STRADA: variants seen among roughly 807,000 people sequenced by gnomAD.
STRADA encodes the protein STE20 related adaptor alpha.
STRADA carries 26 observed loss-of-function variants against 55.0 expected under a neutral mutation model. The observed-to-expected ratio is 0.47, with a 90% CI of 0.35 to 0.66. The LOEUF (loss-of-function observed/expected upper bound fraction) is 0.66. STRADA is among the 30% of genes least tolerant of loss of function. STRADA has a pLI of 0.01. For synonymous variants in STRADA, 197 were observed against 210.9 expected, an observed-to-expected ratio of 0.93 and a Z score of 0.57; for missense variants, 443 against 549.7, an observed-to-expected ratio of 0.81 and a Z score of 1.94.
intron 1 of STRADA, among the ~76,000 whole-genome samples, chr17:63,738,018 C>T (rs982053282): frequency 6.7e-5 from 10 of 149,574 alleles, no homozygotes; most frequent in South Asian, 2.1e-4. Context: ...AAAAGAAAAA[C>T]GAAAATAAAC....
intron 10 of STRADA, chr17:63,704,832 T>C (rs1568172207): frequency 6.5e-7 from 1 of 1,535,694 alleles, no homozygotes; most frequent in South Asian, 1.2e-5. Context: ...GCTTTCGCCA[T>C]GGCTGGAAAG....
At chr17:63,705,483 C>T (rs1373325252) in intron 10 of STRADA, 1 of 160,402 alleles carries the variant, frequency 6.2e-6, no homozygotes, top group Non-Finnish European at 1.4e-5. Flanking sequence ...TCCTAGATTC[C>T]TCACATAGAC....
rs1302290003 is a variant in STRADA, at chr17:63,713,496, A to AT, written c.257dup (p.Asn86LysfsTer18). 6.2e-7 allele frequency: 1 copy of AT among 1,614,182 alleles called. No homozygotes were observed. Among genetic ancestry groups the AT allele is most frequent in the Admixed American group, 1.7e-5 (1 of 60,026 alleles). ...CTCCTGTTGGTTTGTACCTTGCTAG[A>AT]TTCACAGTCATCAGGTCCTCAAATC... is the stretch of plus-strand genomic sequence containing the variant. On this transcript the variant is annotated frameshift_variant, in exon 6 of 13. Transcript: ENST00000336174. LOFTEE classifies it high-confidence loss of function.
chr17:63,733,492 C>T (rs1003319769), intron 1 of STRADA, among the ~76,000 whole-genome samples: 2 of 152,008 alleles, frequency 1.3e-5, no homozygotes, highest in African/African-American at 4.8e-5. Flanking sequence ...AATCTTCAAC[C>T]CACTCCCATT....
At chr17:63,714,848 G>A (rs1030045041) in intron 4 of STRADA, among the ~76,000 whole-genome samples, 3 of 152,208 alleles carry the variant, frequency 2.0e-5, no homozygotes, top group African/African-American at 7.2e-5. Context: ...GTCTGAGTTT[G>A]TGCAAAACAC....
intron 1 of STRADA, among the ~76,000 whole-genome samples, chr17:63,737,627 T>C (rs1415675494): frequency 1.3e-5 from 2 of 152,154 alleles, no homozygotes; most frequent in Admixed American, 6.6e-5. Flanking sequence ...TGAAAGTTGA[T>C]AGGATAACAA....
chr17:63,725,159 G>C (rs1301135435), intron 3 of STRADA, among the ~76,000 whole-genome samples: 1 of 151,854 alleles, frequency 6.6e-6, no homozygotes, highest in Non-Finnish European at 1.5e-5. Flanking sequence ...TTGAACCCGG[G>C]AGGCGGAGTT....
intron 3 of STRADA, chr17:63,726,356 GT>G (rs2037657900): frequency 9.0e-6 from 3 of 332,964 alleles, no homozygotes; most frequent in African/African-American, 4.2e-5. Context: ...CTTTTAAATA[GT>G]TTTCTTCCTT....
chr17:63,728,440 G>A (rs774381047), intron 1 of STRADA, 27 bp from the exon 2 acceptor site: 8 of 1,374,778 alleles, frequency 5.8e-6, no homozygotes, highest in Admixed American at 2.0e-5. Flanking sequence ...AACAGGTTGA[G>A]TTAGCAAAAA....
chr17:63,706,559 T>C, intron 10 of STRADA, 76 bp downstream of exon 10: 1 of 1,027,756 alleles, frequency 9.7e-7, no homozygotes, highest in Non-Finnish European at 1.5e-6. Flanking sequence ...GTCTGTGTCC[T>C]GAGTGTGAGA....
rs761800599 is a variant in STRADA, at chr17:63,740,155, C to CATATATAT, written c.-45+1585_-45+1586insATATATAT. On this transcript the variant is annotated intron_variant, in intron 1 of 12. Transcript: ENST00000336174. ...ACATACATATATATATATACACACA[C>CATATATAT]ACACACACACACACACACACACACA... Among the ~76,000 whole-genome samples, 320 of 111,436 alleles carry CATATATAT rather than the reference C, an allele frequency of 2.9e-3. 10 individuals carry two copies. Among genetic ancestry groups the CATATATAT allele is most frequent in the South Asian group, 5.5e-3 (17 of 3,116 alleles). The allele number at this position is 111,436 out of a possible 152,430, so 73.1% of individuals were successfully genotyped here. A position where few individuals can be genotyped will look rare whatever the true frequency, so the allele number is the denominator to read the frequency against.
At chr17:63,704,756 C>T in intron 10 of STRADA, 174 bp from the exon 11 acceptor site, 1 of 1,529,172 alleles carries the variant, frequency 6.5e-7, no homozygotes, top group Non-Finnish European at 8.7e-7. Flanking sequence ...AAACGCTGGT[C>T]ACTGGCGTGG....
chr17:63,724,880 T>C (rs916211453), intron 3 of STRADA, among the ~76,000 whole-genome samples: 2 of 152,200 alleles, frequency 1.3e-5, no homozygotes, highest in Non-Finnish European at 2.9e-5. Flanking sequence ...CTCCCATTTA[T>C]CTAAAACATA....
intron 1 of STRADA, 105 bp from the exon 2 acceptor site, chr17:63,728,518 A>G: frequency 1.7e-6 from 1 of 575,180 alleles, no homozygotes. Context: ...AAAGCACTGG[A>G]CTTCACCTAT....
At chr17:63,710,439 C>T (rs1490914483) in intron 8 of STRADA, 52 bp downstream of exon 8, 102 of 1,608,782 alleles carry the variant, frequency 6.3e-5, no homozygotes, top group Non-Finnish European at 8.4e-5. Context: ...CCTGAAGGCT[C>T]AGGGGCATAG....
In STRADA at chr17:63,723,344, A is replaced by G. The variant is rs536628878; in HGVS notation, c.95-18T>C. On this transcript the variant is annotated intron_variant, in intron 3 of 12. Coordinates refer to ENST00000336174, the MANE Select transcript of STRADA (RefSeq NM_001003787.4). ...AGGCTGCTCTGGGGTAGAGAAATTG[A>G]TTGTTGGCATTTTGTGTTTTAGCAG... The G allele has an allele frequency of 6.2e-7, 1 of 1,614,128 alleles. No homozygotes were observed. The highest frequency in any genetic ancestry group is 1.3e-5 in the African/African-American group (1 of 75,032).
rs2038779539 is a variant in STRADA, at chr17:63,740,086, C to CTCTATA, written c.-45+1654_-45+1655insTATAGA. Among the ~76,000 whole-genome samples the CTCTATA allele has an allele frequency of 1.2e-4, 5 of 41,524 alleles. 1 individual carries two copies. In the South Asian group the frequency reaches 5.3e-3, roughly 44 times the overall value. The allele number at this position is 41,524 out of a possible 152,430, so 27.2% of individuals were successfully genotyped here. On this transcript the variant is annotated intron_variant, in intron 1 of 12. Transcript: ENST00000336174. ...CCCAGCCTATCAGAAACATTTAACA[C>CTCTATA]TATATATATATATATATATATACAT...
chr17:63,727,225 G>T, intron 2 of STRADA: 1 of 154,268 alleles, frequency 6.5e-6, no homozygotes, highest in Non-Finnish European at 1.4e-5. Flanking sequence ...AAACTAGCAG[G>T]ATCAATCTAT....
At chr17:63,727,301 T>C (rs2037728121) in intron 2 of STRADA, 1 of 152,448 alleles carries the variant, frequency 6.6e-6, no homozygotes, top group Non-Finnish European at 1.5e-5. Flanking sequence ...GTGGTTTCGT[T>C]TCACCTGAAT....
Sources: allele counts gnomAD v4.1 joint callset (sites outside exome capture counted in the v4.1 genomes callset), GRCh38; gene constraint gnomAD v4.1.1; transcripts MANE v1.5; gene names NCBI Gene and HGNC (gene_info 2026-07-23, HGNC 2026-07-21).